BDP1: variants seen among roughly 807,000 people sequenced by gnomAD.
BDP1 encodes BDP1 general transcription factor IIIB subunit, also known as transcription factor TFIIIB component B'' homolog.
In BDP1, 169 loss-of-function variants were observed where a neutral mutation model predicts 266.6. The ratio of observed to expected loss-of-function variants is 0.63; its 90% CI spans 0.56 to 0.72. The LOEUF is 0.72. Among genes scored for constraint, BDP1 ranks in the 30% least tolerant of loss-of-function variants. BDP1 has a pLI of 0.00. For synonymous variants in BDP1, 1,090 were observed against 1,022.4 expected, an observed-to-expected ratio of 1.07 and a Z score of -1.26; for missense variants, 3,015 against 3,053.8, an observed-to-expected ratio of 0.99 and a Z score of 0.30.
intron 34 of BDP1, 142 bp downstream of exon 34, chr5:71,549,748 G>T: frequency 1.6e-6 from 1 of 627,798 alleles, no homozygotes; most frequent in Non-Finnish European, 2.5e-6. Flanking sequence ...AGTTAGAGAA[G>T]AAATGTAATG....
chr5:71,565,102 G>A lies in BDP1; in HGVS notation c.*217G>A, dbSNP rs930033447. 53 of 491,126 alleles carry A rather than the reference G, an allele frequency of 1.1e-4. No homozygotes were observed. Among genetic ancestry groups the A allele is most frequent in the African/African-American group, 9.6e-4 (49 of 50,966 alleles). The allele number at this position is 491,126 out of a possible 1,614,324, so 30.4% of individuals were successfully genotyped here. A position where few individuals can be genotyped will look rare whatever the true frequency, so the allele number is the denominator to read the frequency against. ...TGATTCAGCATTTTGCAAATAGCAAGCAATTAAGACTGCTTTCTCAGACAG... is the reference window on the plus strand; with the variant it reads ...TGATTCAGCATTTTGCAAATAGCAAACAATTAAGACTGCTTTCTCAGACAG... On this transcript the variant is annotated 3_prime_UTR_variant, in exon 39 of 39. Coordinates refer to ENST00000358731, the MANE Select transcript of BDP1 (RefSeq NM_018429.3).
intron 9 of BDP1, among the ~76,000 whole-genome samples, chr5:71,488,525 T>G (rs1763402999): frequency 1.3e-5 from 2 of 151,830 alleles, no homozygotes; most frequent in East Asian, 3.9e-4. Context: ...ACCTCTCCAG[T>G]TGAAGCGATT....
In BDP1 at chr5:71,495,316, A is replaced by G. The variant is rs748537604; in HGVS notation, c.1707A>G (p.Ser569=). The G allele has an allele frequency of 6.2e-6, 10 of 1,608,158 alleles. No individual in the cohort carries two copies. In the South Asian group the frequency reaches 1.1e-4, roughly 18 times the overall value. The part of the protein sequence containing the change: ...SSESSTSDLP[S]FEVGIRALCE... ...AATCAAGCACTTCAGATTTGCCTTC[A>G]TTCGAAGTTGGAATTAGAGCATTGT... The change falls in exon 12 of 39, where the codon TCA becomes TCG. Residue 569 remains serine, a synonymous_variant. Transcript: ENST00000358731.
intron 36 of BDP1, among the ~76,000 whole-genome samples, chr5:71,557,423 C>T (rs1393804719): frequency 1.6e-5 from 2 of 123,032 alleles, no homozygotes; most frequent in African/African-American, 3.3e-5. Context: ...CTCGCTCTGT[C>T]ACCCAGGCTG....
chr5:71,561,140 G>A (rs1336653523), intron 37 of BDP1, among the ~76,000 whole-genome samples: 1 of 151,754 alleles, frequency 6.6e-6, no homozygotes, highest in Non-Finnish European at 1.5e-5. Context: ...GGTGGCTCAT[G>A]CCTGTAATCC....
chr5:71,561,924 A>T (rs1743684439), intron 37 of BDP1, among the ~76,000 whole-genome samples: 1 of 152,104 alleles, frequency 6.6e-6, no homozygotes. Flanking sequence ...TTCCCACCTT[A>T]GCCTCCCAAA....
intron 2 of BDP1, among the ~76,000 whole-genome samples, chr5:71,459,709 A>G (rs572571392): frequency 6.6e-6 from 1 of 152,192 alleles, no homozygotes. Flanking sequence ...ATACTTAGGG[A>G]TTGAATCTCA....
chr5:71,509,363 T>A (rs555910537), intron 16 of BDP1, 102 bp from the exon 17 acceptor site: 385 of 1,324,470 alleles, frequency 2.9e-4, no homozygotes, highest in Non-Finnish European at 3.5e-4. Flanking sequence ...TTTTTTTGAA[T>A]TTGAGAGTTT....
the BDP1 span, among the ~76,000 whole-genome samples, chr5:71,574,493 A>G: frequency 6.6e-6 from 1 of 152,144 alleles, no homozygotes; most frequent in African/African-American, 2.4e-5. Context: ...GAACACCAGG[A>G]AATATAGGAT....
chr5:71,539,588 A>G lies in BDP1; in HGVS notation c.5961A>G (p.Ile1987Met). The change falls in exon 28 of 39, where the codon ATA (isoleucine) becomes ATG (methionine). Residue 1987 changes from isoleucine (I) to methionine (M), a missense_variant. Around this residue, in one of 3 missense-constraint regions of BDP1, gnomAD observed 2,383 missense variants for 2,404.9 expected, o/e 0.99. Transcript: ENST00000358731. ...GTNDGSTEAAITLLTMGDLVL... is the reference protein window; with the variant it reads ...GTNDGSTEAAMTLLTMGDLVL... ...ATGATGGAAGCACCGAAGCTGCAAT[A>G]ACTTTACTTACAATGGGAGATCTAG... is the stretch of plus-strand genomic sequence containing the variant. 6.2e-7 allele frequency: 1 copy of G among 1,612,596 alleles called. No individual in the cohort carries two copies. The highest frequency in any genetic ancestry group is 8.5e-7 in the Non-Finnish European group (1 of 1,179,438).
chr5:71,565,581 G>C lies in BDP1; in HGVS notation c.*696G>C, dbSNP rs1250892029. ...CATTGTAGAGGTTTGTAGCCGAGGA[G>C]CAATAGGCTATACCACATAGCCTCA... is the stretch of plus-strand genomic sequence containing the variant. On this transcript the variant is annotated 3_prime_UTR_variant, in exon 39 of 39. Transcript: ENST00000358731. 1 of 152,474 alleles carries C rather than the reference G, an allele frequency of 6.6e-6. No homozygotes were observed. The highest frequency in any genetic ancestry group is 2.4e-5 in the African/African-American group (1 of 41,456). 9.4% of individuals were successfully genotyped at this position (152,474 alleles called of 1,614,324 possible).
chr5:71,556,605 G>A (rs1390071163), intron 35 of BDP1, among the ~76,000 whole-genome samples: 1 of 152,140 alleles, frequency 6.6e-6, no homozygotes, highest in Non-Finnish European at 1.5e-5. Flanking sequence ...TGATTGTGAT[G>A]TAGTAGTCTT....
intron 19 of BDP1, among the ~76,000 whole-genome samples, chr5:71,513,660 T>A (rs1319691264): frequency 1.3e-5 from 2 of 152,156 alleles, no homozygotes; most frequent in African/African-American, 4.8e-5. Flanking sequence ...GTTCCAGCTA[T>A]GTGACCATTG....
At position 71,455,670 on chromosome 5, in the gene BDP1, C is replaced by G. The variant is rs774904071; in HGVS notation, c.-208C>G. 5.1e-6 allele frequency: 3 copies of G among 586,708 alleles called. No individual in the cohort carries two copies. The East Asian group carries it at 8.6e-5, about 17-fold the overall frequency. The allele number at this position is 586,708 out of a possible 1,614,324, so 36.3% of individuals were successfully genotyped here. A position where few individuals can be genotyped will look rare whatever the true frequency, so the allele number is the denominator to read the frequency against. On this transcript the variant is annotated 5_prime_UTR_variant, in exon 1 of 39. The change creates a new upstream start codon in the 5' untranslated region. Transcript: ENST00000358731. ...TGGGAGGAGGGTGAAATTTAGCCATCGGTGTGTGGCAGGGTCATGAAAAAG... is the reference window on the plus strand; with the variant it reads ...TGGGAGGAGGGTGAAATTTAGCCATGGGTGTGTGGCAGGGTCATGAAAAAG...
chr5:71,508,938 A>G (rs923440394), intron 16 of BDP1, among the ~76,000 whole-genome samples: 1 of 152,182 alleles, frequency 6.6e-6, no homozygotes, highest in African/African-American at 2.4e-5. Flanking sequence ...AACTATCTGT[A>G]TAGGAAATCT....
intron 27 of BDP1, 108 bp from the exon 28 acceptor site, chr5:71,539,449 T>C (rs1352630009): frequency 4.0e-6 from 3 of 755,036 alleles, no homozygotes; most frequent in Non-Finnish European, 6.6e-6. Context: ...GCTCAGAGGA[T>C]ATTGGAATCT....
At chr5:71,463,297 AAT>A (rs1761689483) in intron 3 of BDP1, among the ~76,000 whole-genome samples, 1 of 152,186 alleles carries the variant, frequency 6.6e-6, no homozygotes, top group South Asian at 2.1e-4. Context: ...GCAGGTTTAT[AAT>A]AAATCTCATT....
In BDP1 at chr5:71,509,477, T is replaced by C. The variant is rs778197851; in HGVS notation, c.2385T>C (p.Asn795=). Residue 795 remains asparagine, a synonymous_variant, in exon 17 of 39, where the codon AAT becomes AAC. Coordinates refer to ENST00000358731, the MANE Select transcript of BDP1 (RefSeq NM_018429.3). ...TTTTTTTTTATAGCGTTCAAGAGAATAATAAGGCAAATAAACTTAACCAAG... is the reference window on the plus strand; with the variant it reads ...TTTTTTTTTATAGCGTTCAAGAGAACAATAAGGCAAATAAACTTAACCAAG... ...VLNECLSVQE[N]NKANKLNQVP... is the part of the protein sequence containing the mutation. 6.3e-7 allele frequency: 1 copy of C among 1,577,662 alleles called. No individual in the cohort carries two copies. Among genetic ancestry groups the C allele is most frequent in the Admixed American group, 2.0e-5 (1 of 50,164 alleles).
At chr5:71,470,024 A>G (rs1342134543) in intron 6 of BDP1, among the ~76,000 whole-genome samples, 1 of 151,944 alleles carries the variant, frequency 6.6e-6, no homozygotes, top group East Asian at 1.9e-4. Flanking sequence ...TATTTTTAGT[A>G]GAGACGGGGT....
Sources: allele counts gnomAD v4.1 joint callset (sites outside exome capture counted in the v4.1 genomes callset), GRCh38; gene constraint gnomAD v4.1.1; regional missense constraint gnomAD v4.1.1; transcripts MANE v1.5; gene names NCBI Gene and HGNC (gene_info 2026-07-23, HGNC 2026-07-21).